The following ERBB4 variants were observed in gnomAD, a reference collection of about 807,000 sequenced individuals.
ERBB4 encodes the protein receptor tyrosine-protein kinase erbB-4.
A neutral mutation model predicts 158.0 loss-of-function variants in ERBB4; 42 were observed. The observed-to-expected ratio is 0.27, with a 90% CI of 0.21 to 0.34. ERBB4 has a LOEUF of 0.34. ERBB4 is among the 10% of genes least tolerant of loss of function. The pLI, the probability that ERBB4 is intolerant of heterozygous loss-of-function variation, is 1.00. For missense variants in ERBB4, 1,333 were observed against 1,624.1 expected (o/e 0.82, Z 3.08); for synonymous variants, 583 against 558.7 (o/e 1.04, Z -0.61).
chr2:211,463,167 G>A (rs2064580534), intron 20 of ERBB4, among the ~76,000 whole-genome samples: 1 of 152,112 alleles, frequency 6.6e-6, no homozygotes, highest in Admixed American at 6.6e-5. Context: ...ATAATTCTGT[G>A]ACTGAAAAAG....
intron 21 of ERBB4, 131 bp downstream of exon 21, chr2:211,430,814 G>T: frequency 1.3e-6 from 1 of 777,186 alleles, no homozygotes; most frequent in African/African-American, 1.7e-5. Context: ...CAGGAGAAGA[G>T]GCAAATGGTA....
At chr2:211,630,698 T>G (rs1453932210) in intron 16 of ERBB4, 104 bp from the exon 17 acceptor site, 1 of 1,040,456 alleles carries the variant, frequency 9.6e-7, no homozygotes. Flanking sequence ...ATTTCACAAA[T>G]CTAGTCATTT....
chr2:212,350,028 G>A (rs1490785972), intron 1 of ERBB4, among the ~76,000 whole-genome samples: 2 of 151,872 alleles, frequency 1.3e-5, no homozygotes, highest in Non-Finnish European at 2.9e-5. Flanking sequence ...CTTTTAAAGA[G>A]GAATTTTAAA....
chr2:212,403,202 G>A (rs557083141), intron 1 of ERBB4, among the ~76,000 whole-genome samples: 8 of 152,036 alleles, frequency 5.3e-5, no homozygotes, highest in Non-Finnish European at 1.2e-4. Context: ...ATTGTTAAAT[G>A]TACTTCTTTT....
rs186427884 is a variant in ERBB4, at chr2:211,815,939, G to A, written c.422-27780C>T. 1.8e-3 allele frequency among the ~76,000 whole-genome samples: 268 copies of A among 152,216 alleles called. 2 individuals carry two copies. Among genetic ancestry groups the A allele is most frequent in the Non-Finnish European group, 3.1e-3 (208 of 68,024 alleles). On this transcript the variant is annotated intron_variant, in intron 3 of 27. Coordinates refer to ENST00000342788, the MANE Select transcript of ERBB4 (RefSeq NM_005235.3). Reference sequence around the variant, plus strand: ...CAGGTTCTTTGAACTTGCACCAGCTGCCTCCCTGGGAGTGTTGGGGGTGAG... The same window carrying A: ...CAGGTTCTTTGAACTTGCACCAGCTACCTCCCTGGGAGTGTTGGGGGTGAG...
At chr2:211,971,257 C>T (rs1438680604) in intron 2 of ERBB4, among the ~76,000 whole-genome samples, 4 of 152,134 alleles carry the variant, frequency 2.6e-5, no homozygotes, top group Non-Finnish European at 5.9e-5. Context: ...GTTAGTCTGA[C>T]TGGCTTCCCT....
chr2:211,599,791 A>C (rs542622774), intron 19 of ERBB4, among the ~76,000 whole-genome samples: 50 of 152,338 alleles, frequency 3.3e-4, no homozygotes, highest in African/African-American at 1.1e-3. Flanking sequence ...CAAAAAGGAT[A>C]ACTTTTAACT....
At chr2:211,570,018 C>T (rs749981492) in intron 19 of ERBB4, among the ~76,000 whole-genome samples, 1 of 152,196 alleles carries the variant, frequency 6.6e-6, no homozygotes, top group Non-Finnish European at 1.5e-5. Context: ...TAAATGCCCC[C>T]ATCACCATTC....
intron 1 of ERBB4, among the ~76,000 whole-genome samples, chr2:212,304,443 G>A (rs1475405719): frequency 2.0e-5 from 3 of 150,478 alleles, no homozygotes; most frequent in African/African-American, 4.8e-5. Flanking sequence ...GGGCTGGCCT[G>A]GGCAAATGGT....
chr2:212,334,735 G>T (rs1485004869), intron 1 of ERBB4, among the ~76,000 whole-genome samples: 1 of 151,840 alleles, frequency 6.6e-6, no homozygotes, highest in Non-Finnish European at 1.5e-5. Flanking sequence ...TACCTCTCAA[G>T]ATTCATATTT....
intron 1 of ERBB4, among the ~76,000 whole-genome samples, chr2:212,465,980 TAA>T (rs1342939295): frequency 6.6e-6 from 1 of 152,140 alleles, no homozygotes; most frequent in African/African-American, 2.4e-5. Flanking sequence ...CGGCAAATAA[TAA>T]AAAACTTTAA....
rs529440293 is a variant in ERBB4, at chr2:212,105,207, T to C, written c.234+19545A>G. On this transcript the variant is annotated intron_variant, in intron 2 of 27. Coordinates refer to ENST00000342788, the MANE Select transcript of ERBB4 (RefSeq NM_005235.3). The stretch of plus-strand genomic sequence containing the variant: ...CATTGAGTCACCAGCTCCTAGAATA[T>C]CATTATAAATTTGTCAGATCATGAA... 4.6e-5 allele frequency among the ~76,000 whole-genome samples: 7 copies of C among 152,284 alleles called. No homozygotes were observed. The South Asian group carries it at 1.5e-3, about 32-fold the overall frequency.
chr2:211,501,391 T>C (rs2065611709), intron 20 of ERBB4, among the ~76,000 whole-genome samples: 1 of 151,854 alleles, frequency 6.6e-6, no homozygotes. Context: ...TTTGAGATTA[T>C]GGATACCCCA....
intron 19 of ERBB4, among the ~76,000 whole-genome samples, chr2:211,595,925 A>G (rs531327034): frequency 6.6e-6 from 1 of 152,198 alleles, no homozygotes. Context: ...GGATAACTGT[A>G]TGCAAAACAA....
At chr2:212,198,342 T>C (rs763193595) in intron 1 of ERBB4, among the ~76,000 whole-genome samples, 3 of 152,190 alleles carry the variant, frequency 2.0e-5, no homozygotes, top group African/African-American at 7.2e-5. Flanking sequence ...AAACTGAAAC[T>C]GTCTGCCTAT....
At chr2:212,528,841 T>C (rs1021008954) in intron 1 of ERBB4, among the ~76,000 whole-genome samples, 2 of 152,144 alleles carry the variant, frequency 1.3e-5, no homozygotes, top group African/African-American at 2.4e-5. Context: ...TCAGTTCAGT[T>C]ATACTGCAAG....
At chr2:211,824,526 A>G (rs2077055452) in intron 3 of ERBB4, among the ~76,000 whole-genome samples, 1 of 152,040 alleles carries the variant, frequency 6.6e-6, no homozygotes, top group Non-Finnish European at 1.5e-5. Context: ...GTTAAATTCA[A>G]CCCATAAAAC....
At chr2:212,088,612 A>G (rs890609041) in intron 2 of ERBB4, among the ~76,000 whole-genome samples, 1 of 152,054 alleles carries the variant, frequency 6.6e-6, no homozygotes, top group Admixed American at 6.6e-5. Context: ...ATCATTACCC[A>G]CTTCTTTGTG....
intron 1 of ERBB4, among the ~76,000 whole-genome samples, chr2:212,342,564 T>A (rs1178822863): frequency 5.3e-5 from 8 of 152,164 alleles, no homozygotes; most frequent in Admixed American, 5.2e-4. Flanking sequence ...GAAAATGGAC[T>A]AATACAACAA....
Sources: allele counts gnomAD v4.1 joint callset (sites outside exome capture counted in the v4.1 genomes callset), GRCh38; gene constraint gnomAD v4.1.1; transcripts MANE v1.5; gene names NCBI Gene and HGNC (gene_info 2026-07-23, HGNC 2026-07-21).